The following ANKRD6 variants were observed in gnomAD, a reference collection of about 807,000 sequenced individuals.
The protein encoded by ANKRD6 is ankyrin repeat domain 6, also known as ankyrin repeat domain-containing protein 6.
Under a neutral mutation model 82.3 loss-of-function variants are expected in ANKRD6, and 56 were observed. That is an observed-to-expected ratio of 0.68 (90% CI 0.55 to 0.85). ANKRD6 has a LOEUF of 0.85. Among genes scored for constraint, ANKRD6 ranks in the 40% least tolerant of loss-of-function variants. The pLI is 0.00. For missense variants in ANKRD6, 852 were observed against 907.6 expected (o/e 0.94, Z 0.79); for synonymous variants, 347 against 352.1 (o/e 0.99, Z 0.16).
At chr6:89,556,953 C>T (rs1786682710) in intron 1 of ANKRD6, among the ~76,000 whole-genome samples, 1 of 152,046 alleles carries the variant, frequency 6.6e-6, no homozygotes, top group Non-Finnish European at 1.5e-5. Context: ...TTTTTAGTCT[C>T]TAGGCCTTAC....
intron 1 of ANKRD6, among the ~76,000 whole-genome samples, chr6:89,452,187 A>G (rs899035867): frequency 6.6e-6 from 1 of 152,226 alleles, no homozygotes; most frequent in Admixed American, 6.5e-5. Flanking sequence ...CTGAAAACAA[A>G]ACAGAAGACT....
intron 1 of ANKRD6, among the ~76,000 whole-genome samples, chr6:89,495,452 C>CA (rs1355395151): frequency 1.3e-5 from 2 of 152,150 alleles, no homozygotes; most frequent in Non-Finnish European, 2.9e-5. Flanking sequence ...GGGCTGAGCC[C>CA]AGTACAGCTC....
In ANKRD6 at chr6:89,554,237, A is replaced by G. The variant is rs185058049; in HGVS notation, c.-143-12597A>G. ...GAAATCAAGCCACTGGTGAGGTCGC[A>G]TTGCCTCTGGAGGAGACTGTTCCCT... is the stretch of plus-strand genomic sequence containing the variant. On this transcript the variant is annotated intron_variant, in intron 1 of 15. Transcript: ENST00000339746. 1.6e-4 allele frequency among the ~76,000 whole-genome samples: 24 copies of G among 152,324 alleles called. No homozygotes were observed. In the East Asian group the frequency reaches 3.9e-3, roughly 24 times the overall value.
intron 1 of ANKRD6, among the ~76,000 whole-genome samples, chr6:89,478,738 C>CAGAGTGAGA (rs1309716466): frequency 7.9e-6 from 1 of 126,388 alleles, no homozygotes; most frequent in East Asian, 2.3e-4. Flanking sequence ...GCCTGGGCGA[C>CAGAGTGAGA]AGAGTGAGAC....
In ANKRD6 at chr6:89,550,250, A is replaced by AT. The variant is rs35383752; in HGVS notation, c.-143-16575dup. Among the ~76,000 whole-genome samples, 99 of 151,484 alleles carry AT rather than the reference A, an allele frequency of 6.5e-4. No homozygotes were observed. In the South Asian group the frequency reaches 0.011, roughly 17 times the overall value. On this transcript the variant is annotated intron_variant, in intron 1 of 15. Transcript: ENST00000339746. ...TAAGAATATTGATAGCAGCACCACT[A>AT]TTTTTTTTTAATACACAGAATGTAA...
At chr6:89,576,286 A>G (rs1191375252) in intron 2 of ANKRD6, among the ~76,000 whole-genome samples, 2 of 151,958 alleles carry the variant, frequency 1.3e-5, no homozygotes, top group Non-Finnish European at 2.9e-5. Context: ...TCCTGACCTC[A>G]TGATCCACCC....
chr6:89,565,971 A>T (rs890694180), intron 1 of ANKRD6, among the ~76,000 whole-genome samples: 1 of 152,252 alleles, frequency 6.6e-6, no homozygotes, highest in Non-Finnish European at 1.5e-5. Context: ...CAGCCCAGGT[A>T]TACTGGGGGG....
intron 1 of ANKRD6, among the ~76,000 whole-genome samples, chr6:89,524,701 T>G (rs1782260061): frequency 6.6e-6 from 1 of 152,194 alleles, no homozygotes; most frequent in Non-Finnish European, 1.5e-5. Context: ...CATATGCAAG[T>G]GTCTTTTTCA....
chr6:89,572,696 T>A (rs1353623571), intron 2 of ANKRD6, among the ~76,000 whole-genome samples: 1 of 152,198 alleles, frequency 6.6e-6, no homozygotes, highest in East Asian at 1.9e-4. Context: ...ATTTTTTATA[T>A]AGTGTAAGGT....
In ANKRD6 at chr6:89,630,624, G is replaced by T; in HGVS notation, c.1804G>T (p.Glu602Ter). ...CCAGACAGCCTTGCTACCCATGAATGAGGCAGCCAGATCTGATCAGCAGGC... is the reference window on the plus strand; with the variant it reads ...CCAGACAGCCTTGCTACCCATGAATTAGGCAGCCAGATCTGATCAGCAGGC... The part of the protein sequence containing the change: ...KVQTALLPMN[E>*]AARSDQQAGP... The change falls in exon 16 of 16, where the codon GAG becomes TAG. Residue 602 changes from glutamate (E) to a stop codon, truncating the protein, a stop_gained. Transcript: ENST00000339746. LOFTEE classifies it high-confidence loss of function. 4 of 1,613,916 alleles carry T rather than the reference G, an allele frequency of 2.5e-6. No homozygotes were observed. The highest frequency in any genetic ancestry group is 3.4e-6 in the Non-Finnish European group (4 of 1,179,818).
chr6:89,514,921 C>T (rs1213517611), intron 1 of ANKRD6, among the ~76,000 whole-genome samples: 1 of 152,164 alleles, frequency 6.6e-6, no homozygotes, highest in Admixed American at 6.5e-5. Context: ...AGTTTTACTT[C>T]CTATTTCCTT....
rs764064998 is a variant in ANKRD6 at position 89,630,640 on chromosome 6, A to T, written c.1820A>T (p.Asp607Val). 6.2e-7 allele frequency: 1 copy of T among 1,612,964 alleles called. No homozygotes were observed. Among genetic ancestry groups the T allele is most frequent in the Admixed American group, 1.7e-5 (1 of 59,990 alleles). Residue 607 changes from aspartate (D) to valine (V), a missense_variant, in exon 16 of 16, where the codon GAT becomes GTT. Coordinates refer to ENST00000339746, the MANE Select transcript of ANKRD6 (RefSeq NM_001242809.2). The part of the protein sequence containing the change: ...LLPMNEAARS[D>V]QQAGPCVNRG... ...CCCATGAATGAGGCAGCCAGATCTG[A>T]TCAGCAGGCTGGGCCCTGCGTCAAC...
intron 1 of ANKRD6, among the ~76,000 whole-genome samples, chr6:89,547,215 T>C (rs913425): frequency 0.25 from 37,874 of 151,310 alleles, 4,907 homozygotes; most frequent in South Asian, 0.47. Context: ...GGGTTACATA[T>C]GTGTTCTAGC....
chr6:89,488,020 C>T lies in ANKRD6; in HGVS notation c.-144+54645C>T, dbSNP rs138387026. On this transcript the variant is annotated intron_variant, in intron 1 of 15. Coordinates refer to ENST00000339746, the MANE Select transcript of ANKRD6 (RefSeq NM_001242809.2). Reference sequence around the variant, plus strand: ...ACAGAGGTAAGATCCACAGTGTAACCTTTGTTACTTGATACTAAGTCCTGG... The same window carrying T: ...ACAGAGGTAAGATCCACAGTGTAACTTTTGTTACTTGATACTAAGTCCTGG... 9.6e-3 allele frequency among the ~76,000 whole-genome samples: 1,454 copies of T among 152,248 alleles called. 13 individuals are homozygous for T. Among genetic ancestry groups the T allele is most frequent in the Middle Eastern group, 0.031 (9 of 294 alleles).
chr6:89,509,852 T>C (rs953186238), intron 1 of ANKRD6, among the ~76,000 whole-genome samples: 11 of 152,226 alleles, frequency 7.2e-5, no homozygotes, highest in Admixed American at 5.9e-4. Flanking sequence ...AGTGACAGCA[T>C]TGGGATTTAA....
intron 1 of ANKRD6, among the ~76,000 whole-genome samples, chr6:89,449,825 A>C (rs892203381): frequency 6.6e-6 from 1 of 152,140 alleles, no homozygotes; most frequent in African/African-American, 2.4e-5. Flanking sequence ...TCCCGAAAAA[A>C]TTTAACATAT....
At chr6:89,447,057 C>T (rs1454727890) in intron 1 of ANKRD6, among the ~76,000 whole-genome samples, 3 of 152,088 alleles carry the variant, frequency 2.0e-5, no homozygotes, top group Admixed American at 6.5e-5. Flanking sequence ...TGATAATTGA[C>T]TAATACACCA....
chr6:89,518,414 A>AT (rs1781487683), intron 1 of ANKRD6, among the ~76,000 whole-genome samples: 1 of 152,070 alleles, frequency 6.6e-6, no homozygotes, highest in Middle Eastern at 3.2e-3. Context: ...AAAAAAAAAA[A>AT]AAATAAGTAT....
intron 4 of ANKRD6, among the ~76,000 whole-genome samples, chr6:89,605,391 G>T (rs967162313): frequency 6.6e-6 from 1 of 152,138 alleles, no homozygotes; most frequent in Non-Finnish European, 1.5e-5. Context: ...AAAAATAAAG[G>T]CCACACATTG....
Sources: allele counts gnomAD v4.1 joint callset (sites outside exome capture counted in the v4.1 genomes callset), GRCh38; gene constraint gnomAD v4.1.1; transcripts MANE v1.5; gene names NCBI Gene and HGNC (gene_info 2026-07-23, HGNC 2026-07-21).